HIVEP2: variants seen among roughly 807,000 people sequenced by gnomAD.
HIVEP2 encodes HIVEP zinc finger 2, also known as transcription factor HIVEP2.
In HIVEP2, 14 loss-of-function variants were observed where a neutral mutation model predicts 180.7. The observed-to-expected ratio is 0.08, with a 90% CI of 0.05 to 0.12. The LOEUF (loss-of-function observed/expected upper bound fraction) is 0.12, where lower values mean the gene tolerates loss of function less well. Ranked by LOEUF, HIVEP2 falls within the 10% of genes least tolerant of loss-of-function variation. The pLI, the probability that HIVEP2 is intolerant of heterozygous loss-of-function variation, is 1.00. For missense variants in HIVEP2, 2,579 were observed against 3,008.5 expected (o/e 0.86, Z 3.34); for synonymous variants, 1,184 against 1,136.4 (o/e 1.04, Z -0.84).
chr6:142,805,862 G>A (rs1379366889), intron 2 of HIVEP2, among the ~76,000 whole-genome samples: 2 of 152,088 alleles, frequency 1.3e-5, no homozygotes, highest in African/African-American at 4.8e-5. Flanking sequence ...AATATTTAAT[G>A]AGCATATACC....
chr6:142,862,907 G>GTA (rs1776036831), intron 1 of HIVEP2, among the ~76,000 whole-genome samples: 1 of 129,966 alleles, frequency 7.7e-6, no homozygotes, highest in Admixed American at 8.1e-5. Flanking sequence ...TAGATTATAT[G>GTA]TATTATATAA....
chr6:142,904,814 A>G (rs1215043146), intron 1 of HIVEP2, among the ~76,000 whole-genome samples: 1 of 152,170 alleles, frequency 6.6e-6, no homozygotes, highest in Non-Finnish European at 1.5e-5. Flanking sequence ...CCCGAAGATC[A>G]TTCTTAGTCT....
chr6:142,791,208 A>C (rs1776129283), intron 2 of HIVEP2, among the ~76,000 whole-genome samples: 1 of 152,154 alleles, frequency 6.6e-6, no homozygotes, highest in Non-Finnish European at 1.5e-5. Flanking sequence ...AGTGGATACT[A>C]TCTCTCAAGA....
chr6:142,836,614 T>C (rs1174435739), intron 2 of HIVEP2, among the ~76,000 whole-genome samples: 2 of 152,160 alleles, frequency 1.3e-5, no homozygotes, highest in African/African-American at 2.4e-5. Flanking sequence ...AAAAACCTTA[T>C]TCAAAGTAAA....
At position 142,753,935 on chromosome 6, in the gene HIVEP2, C is replaced by G. The variant is rs776146629; in HGVS notation, c.6517-4G>C. Reference sequence around the variant, plus strand: ...GAGGTAATCCTCTTCTTAAATTCTGCGCAGAGAAACAAAGAGAGCACAAAA... The same window carrying G: ...GAGGTAATCCTCTTCTTAAATTCTGGGCAGAGAAACAAAGAGAGCACAAAA... On this transcript the variant is annotated splice_polypyrimidine_tract_variant and splice_region_variant and intron_variant, in intron 9 of 9. Transcript: ENST00000367603. 6.6e-7 allele frequency: 1 copy of G among 1,516,256 alleles called. No homozygotes were observed. Among genetic ancestry groups the G allele is most frequent in the Non-Finnish European group, 9.0e-7 (1 of 1,108,540 alleles). 93.9% of individuals were successfully genotyped at this position (1,516,256 alleles called of 1,614,324 possible).
chr6:142,797,933 C>CT (rs931175378), intron 2 of HIVEP2, among the ~76,000 whole-genome samples: 11 of 152,110 alleles, frequency 7.2e-5, no homozygotes, highest in African/African-American at 2.4e-4. Flanking sequence ...GAAAAATCCT[C>CT]TTTTTTGCCA....
chr6:142,864,363 G>A (rs1231530363), intron 1 of HIVEP2, among the ~76,000 whole-genome samples: 1 of 152,164 alleles, frequency 6.6e-6, no homozygotes, highest in Non-Finnish European at 1.5e-5. Flanking sequence ...AGAAAGAGCT[G>A]TGTTCCTCAA....
At chr6:142,841,544 T>A (rs1775363862) in intron 1 of HIVEP2, among the ~76,000 whole-genome samples, 1 of 152,154 alleles carries the variant, frequency 6.6e-6, no homozygotes, top group South Asian at 2.1e-4. Context: ...CAAATGTTCA[T>A]CGATATTTTC....
chr6:142,764,465 A>G (rs1256215331), intron 7 of HIVEP2, among the ~76,000 whole-genome samples: 3 of 152,208 alleles, frequency 2.0e-5, no homozygotes, highest in African/African-American at 7.2e-5. Flanking sequence ...ATACCACTGC[A>G]TGTGCAGGAT....
At chr6:142,793,746 A>G (rs1246710310) in intron 2 of HIVEP2, among the ~76,000 whole-genome samples, 2 of 148,206 alleles carry the variant, frequency 1.3e-5, no homozygotes, top group African/African-American at 5.0e-5. Context: ...CAGCTCTGTC[A>G]CACCCAGGCT....
At chr6:142,937,852 T>A (rs546534121) in intron 1 of HIVEP2, among the ~76,000 whole-genome samples, 1 of 152,274 alleles carries the variant, frequency 6.6e-6, no homozygotes, top group African/African-American at 2.4e-5. Flanking sequence ...TCAGGTTGGT[T>A]GTGAGGGCTA....
chr6:142,789,681 T>C lies in HIVEP2; in HGVS notation c.-527-6066A>G, dbSNP rs559500736. 1.5e-3 allele frequency among the ~76,000 whole-genome samples: 231 copies of C among 152,342 alleles called. 1 individual carries two copies. The highest frequency in any genetic ancestry group is 4.7e-3 in the Admixed American group (72 of 15,300). ...TAGGTCTTTAAACTGTCAAGTCAAT[T>C]ATTTTCCATTATCCACACTACTTCC... On this transcript the variant is annotated intron_variant, in intron 2 of 9. Transcript: ENST00000367603.
chr6:142,796,381 G>T (rs764071144), intron 2 of HIVEP2, among the ~76,000 whole-genome samples: 7 of 152,120 alleles, frequency 4.6e-5, no homozygotes, highest in Non-Finnish European at 1.0e-4. Flanking sequence ...TTGAACAGAA[G>T]CCTTACCGAT....
At chr6:142,801,592 A>G (rs1359533429) in intron 2 of HIVEP2, among the ~76,000 whole-genome samples, 1 of 152,034 alleles carries the variant, frequency 6.6e-6, no homozygotes, top group Non-Finnish European at 1.5e-5. Context: ...TAGCAGACCA[A>G]TTCAGCTCTC....
At chr6:142,816,273 G>A (rs753646927) in intron 2 of HIVEP2, among the ~76,000 whole-genome samples, 4 of 152,180 alleles carry the variant, frequency 2.6e-5, no homozygotes, top group South Asian at 2.1e-4. Context: ...TGCATCTCAC[G>A]AGAGCCAAGA....
chr6:142,770,716 G>C lies in HIVEP2; in HGVS notation c.4023C>G (p.His1341Gln), dbSNP rs377147535. 2 of 1,614,152 alleles carry C rather than the reference G, an allele frequency of 1.2e-6. No homozygotes were observed. The highest frequency in any genetic ancestry group is 8.5e-7 in the Non-Finnish European group (1 of 1,180,006). Reference protein sequence around the residue: ...GTVVPVRIQTHVPSYGSVMYT... With the variant: ...GTVVPVRIQTQVPSYGSVMYT... ...ACATGACACTTCCATAGGATGGTAC[G>C]TGCGTCTGGATCCGAACAGGAACCA... is the stretch of plus-strand genomic sequence containing the variant. Residue 1341 changes from histidine (H) to glutamine (Q), a missense_variant, in exon 5 of 10, where the codon CAC becomes CAG. Transcript: ENST00000367603. This position sits in a 1 kb window ranked among gnomAD's most constrained non-coding sequence, Gnocchi z 4.7.
intron 1 of HIVEP2, among the ~76,000 whole-genome samples, chr6:142,850,091 G>A (rs945216841): frequency 2.0e-5 from 3 of 152,154 alleles, no homozygotes; most frequent in Admixed American, 6.5e-5. Context: ...GCAGGTGGTC[G>A]AAACTGTGAA....
chr6:142,794,750 C>T (rs542770746), intron 2 of HIVEP2, among the ~76,000 whole-genome samples: 5 of 152,122 alleles, frequency 3.3e-5, no homozygotes, highest in African/African-American at 4.8e-5. Context: ...TGTACTGAAG[C>T]GGGTGGATGA....
At chr6:142,784,082 C>A (rs958017594) in intron 2 of HIVEP2, among the ~76,000 whole-genome samples, 1 of 152,060 alleles carries the variant, frequency 6.6e-6, no homozygotes, top group African/African-American at 2.4e-5. Flanking sequence ...CCAAACCCAA[C>A]CAAAGCAAAA....
Sources: gnomAD v4.1 joint callset for allele counts (sites outside exome capture counted in the v4.1 genomes callset) on GRCh38, gnomAD v4.1.1 for gene constraint, Gnocchi (gnomAD v3.1) non-coding constraint, MANE v1.5 for transcripts, NCBI Gene and HGNC (gene_info 2026-07-23, HGNC 2026-07-21) for gene names.